EPN2: variants seen among roughly 807,000 people sequenced by gnomAD.
EPN2 encodes epsin-2.
EPN2 carries 34 observed loss-of-function variants against 61.7 expected under a neutral mutation model. That is an observed-to-expected ratio of 0.55 (90% confidence interval 0.42 to 0.73). The LOEUF is 0.73. Among genes scored for constraint, EPN2 ranks in the 30% least tolerant of loss-of-function variants. The pLI is 0.00. For synonymous variants in EPN2, 349 were observed against 353.6 expected (o/e 0.99, Z 0.15); for missense variants, 714 against 839.2 (o/e 0.85, Z 1.84).
chr17:19,250,479 G>T (rs1414798191), intron 1 of EPN2, among the ~76,000 whole-genome samples: 1 of 152,128 alleles, frequency 6.6e-6, no homozygotes, highest in Non-Finnish European at 1.5e-5. Context: ...TTAAGATGTG[G>T]TTATCTTTGG....
intron 7 of EPN2, among the ~76,000 whole-genome samples, chr17:19,317,720 T>C (rs1260496791): frequency 1.3e-5 from 2 of 152,144 alleles, no homozygotes; most frequent in African/African-American, 4.8e-5. Context: ...ATTTATTGAT[T>C]GGGTATGTGG....
Position 19,331,989 on chromosome 17 carries a change from C to T in EPN2, c.1548C>T (p.Asn516=), listed in dbSNP as rs115591033. 2.0e-4 allele frequency: 330 copies of T among 1,614,056 alleles called. 1 individual carries two copies. In the African/African-American group the frequency reaches 3.5e-3, roughly 17 times the overall value. ...RKTPESFLGP[N]AALVNLDSLV... ...CACCTGAGTCCTTCCTGGGCCCCAA[C>T]GCGGCCCTGGTGAACCTGGACTCAC... The change falls in exon 10 of 11, where the codon AAC becomes AAT. Residue 516 remains asparagine, a synonymous_variant. Coordinates refer to ENST00000314728, the MANE Select transcript of EPN2 (RefSeq NM_014964.5).
At chr17:19,239,360 C>G (rs1346768162) in intron 1 of EPN2, among the ~76,000 whole-genome samples, 2 of 152,230 alleles carry the variant, frequency 1.3e-5, no homozygotes, top group Non-Finnish European at 2.9e-5. Context: ...CCACGTTGGC[C>G]AGGCTGGTCT....
rs58660254 is a variant in EPN2, at chr17:19,318,549, C to CAAAAAA, written c.1147+5283_1147+5288dup. Among the ~76,000 whole-genome samples, 97 of 24,680 alleles carry CAAAAAA rather than the reference C, an allele frequency of 3.9e-3. 15 individuals carry two copies. In the Middle Eastern group the frequency reaches 0.19, roughly 48 times the overall value. The allele number at this position is 24,680 out of a possible 152,430, so 16.2% of individuals were successfully genotyped here. On this transcript the variant is annotated intron_variant, in intron 7 of 10. Transcript: ENST00000314728. The stretch of plus-strand genomic sequence containing the variant: ...TGGGCAACAGAGCGAGACTCCATCT[C>CAAAAAA]AAAAAAAAAAAAAAAAAAGAGTAGG...
chr17:19,247,774 TG>T (rs1384579385), intron 1 of EPN2, among the ~76,000 whole-genome samples: 2 of 152,092 alleles, frequency 1.3e-5, no homozygotes, highest in African/African-American at 4.8e-5. Flanking sequence ...GTAATCTCTG[TG>T]GGTGGGGGCC....
At chr17:19,242,346 C>T (rs1379889841) in intron 1 of EPN2, among the ~76,000 whole-genome samples, 1 of 152,166 alleles carries the variant, frequency 6.6e-6, no homozygotes, top group African/African-American at 2.4e-5. Context: ...GAGGCTGAGG[C>T]AGGAAAATCA....
chr17:19,313,027 G>T, intron 6 of EPN2, 78 bp from the exon 7 acceptor site: 1 of 1,465,726 alleles, frequency 6.8e-7, no homozygotes. Flanking sequence ...ACAGGTGGGT[G>T]ATATTTATGG....
At chr17:19,321,654 T>G (rs776346602) in intron 7 of EPN2, among the ~76,000 whole-genome samples, 44 of 151,896 alleles carry the variant, frequency 2.9e-4, no homozygotes, top group South Asian at 8.3e-4. Context: ...GGGAGTGAGA[T>G]ATTGTGCAGG....
intron 1 of EPN2, among the ~76,000 whole-genome samples, chr17:19,245,574 C>A (rs1329015535): frequency 6.6e-6 from 1 of 151,652 alleles, no homozygotes; most frequent in Non-Finnish European, 1.5e-5. Flanking sequence ...GTAGCTGGGA[C>A]TATAGGCATG....
At chr17:19,250,840 C>A (rs1208207655) in intron 1 of EPN2, among the ~76,000 whole-genome samples, 2 of 150,098 alleles carry the variant, frequency 1.3e-5, no homozygotes, top group African/African-American at 4.9e-5. Flanking sequence ...CTACTTGCCC[C>A]CCTGCACCTC....
intron 1 of EPN2, among the ~76,000 whole-genome samples, chr17:19,245,278 C>T (rs2044932614): frequency 6.6e-6 from 1 of 152,132 alleles, no homozygotes; most frequent in Non-Finnish European, 1.5e-5. Flanking sequence ...AATAATTGGC[C>T]AAATTTTTCC....
At chr17:19,277,556 G>A (rs1487355248) in intron 1 of EPN2, among the ~76,000 whole-genome samples, 1 of 152,118 alleles carries the variant, frequency 6.6e-6, no homozygotes, top group Non-Finnish European at 1.5e-5. Flanking sequence ...TGTGGTTGAG[G>A]GGAAACAGTG....
intron 8 of EPN2, chr17:19,329,238 C>T (rs565713563): frequency 1.2e-5 from 5 of 432,256 alleles, no homozygotes; most frequent in African/African-American, 2.0e-5. Flanking sequence ...CCTACAGACC[C>T]TCATCCAAGC....
At chr17:19,325,271 A>G (rs1388239697) in intron 7 of EPN2, among the ~76,000 whole-genome samples, 3 of 152,252 alleles carry the variant, frequency 2.0e-5, no homozygotes, top group Admixed American at 1.3e-4. Flanking sequence ...CCTAATGGCA[A>G]CACCAGACAA....
Position 19,283,727 on chromosome 17 carries a change from A to G in EPN2, c.595+13A>G, listed in dbSNP as rs777290263. 6 of 1,553,298 alleles carry G rather than the reference A, an allele frequency of 3.9e-6. No homozygotes were observed. In the Admixed American group the frequency reaches 7.8e-5, roughly 20 times the overall value. ...TCCTACCATGGCTGTGAGTAATGGA[A>G]GTGCTTCTCACCCTTTGCCAGAGCA... On this transcript the variant is annotated intron_variant, in intron 3 of 10. Transcript: ENST00000314728. The surrounding 1 kb of genome is among the most constrained non-coding windows in gnomAD (Gnocchi z 7.0).
In EPN2 at chr17:19,309,907, C is replaced by A. The variant is rs369980154; in HGVS notation, c.789C>A (p.Ser263=). The change falls in exon 5 of 11, where the codon TCC becomes TCA. Residue 263 remains serine, a synonymous_variant. Coordinates refer to ENST00000314728, the MANE Select transcript of EPN2 (RefSeq NM_014964.5). ...CAGCCACCTCCCCGCGAGTGTCCTC[C>A]GAGCTGGAGCAAGCCCGGCCCCAGA... ...AARATSPRVS[S]ELEQARPQTS... 19 of 1,608,446 alleles carry A rather than the reference C, an allele frequency of 1.2e-5. No individual in the cohort carries two copies. Among genetic ancestry groups the A allele is most frequent in the Non-Finnish European group, 1.6e-5 (19 of 1,179,996 alleles).
At chr17:19,333,787 T>A (rs2152241807) in intron 10 of EPN2, among the ~76,000 whole-genome samples, 169 bp from the exon 11 acceptor site, 1 of 152,160 alleles carries the variant, frequency 6.6e-6, no homozygotes, top group East Asian at 1.9e-4. Context: ...AAGTGCAGAT[T>A]CATGCAGTCA....
Position 19,289,724 on chromosome 17 carries a change from G to GTTTTTTTTTTTTTTTTTTTT in EPN2, c.766+3935_766+3954dup, listed in dbSNP as rs58087532. Among the ~76,000 whole-genome samples the GTTTTTTTTTTTTTTTTTTTT allele has an allele frequency of 1.7e-3, 132 of 78,024 alleles. 15 individuals carry two copies. The highest frequency in any genetic ancestry group is 4.0e-3 in the East Asian group (7 of 1,732). The allele number at this position is 78,024 out of a possible 152,430, so 51.2% of individuals were successfully genotyped here. The stretch of plus-strand genomic sequence containing the variant: ...TGTTCGGCCTCACCTGGCGCTCATG[G>GTTTTTTTTTTTTTTTTTTTT]TTTTTTTTTTTTTTTTTTTTGAGAT... On this transcript the variant is annotated intron_variant, in intron 4 of 10. Coordinates refer to ENST00000314728, the MANE Select transcript of EPN2 (RefSeq NM_014964.5).
At chr17:19,295,553 G>T (rs1169681989) in intron 4 of EPN2, among the ~76,000 whole-genome samples, 3 of 151,940 alleles carry the variant, frequency 2.0e-5, no homozygotes, top group African/African-American at 7.3e-5. Flanking sequence ...GAAAAGAAAA[G>T]AAAAAATACA....
Sources: gnomAD v4.1 joint callset for allele counts (sites outside exome capture counted in the v4.1 genomes callset) on GRCh38, gnomAD v4.1.1 for gene constraint, Gnocchi (gnomAD v3.1) non-coding constraint, MANE v1.5 for transcripts, NCBI Gene and HGNC (gene_info 2026-07-23, HGNC 2026-07-21) for gene names.